The following MSRA variants were observed in gnomAD, a reference collection of about 807,000 sequenced individuals.
MSRA encodes mitochondrial peptide methionine sulfoxide reductase.
A neutral mutation model predicts 31.3 loss-of-function variants in MSRA; 54 were observed. The ratio of observed to expected loss-of-function variants is 1.73; its 90% confidence interval spans 1.39 to 2.17. MSRA has a LOEUF of 2.17. Ranked by LOEUF, MSRA falls within the 30% of genes most tolerant of loss-of-function variation. The pLI, the probability that MSRA is intolerant of heterozygous loss-of-function variation, is 0.00. For missense variants in MSRA, 507 were observed against 300.9 expected, an observed-to-expected ratio of 1.69 and a Z score of -5.07; for synonymous variants, 169 against 116.5, an observed-to-expected ratio of 1.45 and a Z score of -2.90.
intron 5 of MSRA, chr8:10,353,849 A>T (rs752439534): frequency 1.8e-5 from 4 of 218,960 alleles, no homozygotes; most frequent in Non-Finnish European, 3.7e-5. Context: ...GTCTTGTGTC[A>T]TGTAGGAAAC....
At chr8:10,138,863 C>T (rs1802482129) in intron 1 of MSRA, among the ~76,000 whole-genome samples, 1 of 151,446 alleles carries the variant, frequency 6.6e-6, no homozygotes. Context: ...AAAATGATAG[C>T]AGCAGCAGCA....
chr8:10,337,773 C>G (rs935696386), intron 5 of MSRA: 23 of 702,514 alleles, frequency 3.3e-5, no homozygotes, highest in Non-Finnish European at 4.9e-5. Context: ...GCTCAACTCG[C>G]CTGGGTGCAG....
rs568543127 is a variant in MSRA, at chr8:10,409,120, T to G, written c.544-19028T>G. The stretch of plus-strand genomic sequence containing the variant: ...TGCTGGATTGAATGGCAGTTCTATT[T>G]TTAGTTCTTTGAGAAATCTCCATAC... On this transcript the variant is annotated intron_variant, in intron 5 of 5. Transcript: ENST00000317173. Among the ~76,000 whole-genome samples, 8 of 152,348 alleles carry G rather than the reference T, an allele frequency of 5.3e-5. No individual in the cohort carries two copies. The South Asian group carries it at 1.7e-3, about 32-fold the overall frequency.
At chr8:10,417,754 T>TGTGTGTGTGTGTGTGTGTGTGTGTGTG (rs1808557325) in intron 5 of MSRA, among the ~76,000 whole-genome samples, 7 of 129,842 alleles carry the variant, frequency 5.4e-5, no homozygotes, top group African/African-American at 1.4e-4. Flanking sequence ...AACCTGCATG[T>TGTGTGTGTGTGTGTGTGTGTGTGTGTG]TGTGTGTGTG....
Position 10,163,258 on chromosome 8 carries a change from C to T in MSRA, c.143-44575C>T, listed in dbSNP as rs539668705. Reference sequence around the variant, plus strand: ...AGTCTGTGGCAGTTCGTTATAGCAGCCCCCGCCGACTCAGACCACGCTGTA... The same window carrying T: ...AGTCTGTGGCAGTTCGTTATAGCAGTCCCCGCCGACTCAGACCACGCTGTA... On this transcript the variant is annotated intron_variant, in intron 1 of 5. Transcript: ENST00000317173. 1.1e-4 allele frequency among the ~76,000 whole-genome samples: 17 copies of T among 152,298 alleles called. No individual in the cohort carries two copies. In the East Asian group the frequency reaches 1.5e-3, roughly 14 times the overall value.
intron 1 of MSRA, among the ~76,000 whole-genome samples, chr8:10,175,139 G>A (rs922754911): frequency 4.0e-5 from 6 of 151,848 alleles, no homozygotes; most frequent in Non-Finnish European, 7.4e-5. Flanking sequence ...TACTATGGCC[G>A]TCCCGGTCAC....
At chr8:10,356,514 C>T (rs1045643784) in intron 5 of MSRA, among the ~76,000 whole-genome samples, 8 of 152,200 alleles carry the variant, frequency 5.3e-5, no homozygotes, top group African/African-American at 1.9e-4. Flanking sequence ...CAGGTGTGTG[C>T]TGTGGACTGA....
chr8:10,213,595 C>G (rs1009822395), intron 2 of MSRA, among the ~76,000 whole-genome samples: 1 of 151,914 alleles, frequency 6.6e-6, no homozygotes, highest in Non-Finnish European at 1.5e-5. Context: ...TGCCAACATG[C>G]CTGGCTAATT....
intron 1 of MSRA, chr8:10,059,132 A>C (rs985318573): frequency 2.0e-5 from 3 of 152,228 alleles, no homozygotes; most frequent in Non-Finnish European, 2.9e-5. Flanking sequence ...AAAAGGTGAA[A>C]TATTCAATAA....
intron 5 of MSRA, among the ~76,000 whole-genome samples, chr8:10,329,226 G>GAA (rs1802550320): frequency 6.6e-6 from 1 of 152,162 alleles, no homozygotes; most frequent in Non-Finnish European, 1.5e-5. Context: ...TTCTCTCATG[G>GAA]TTCCAGAGGG....
chr8:10,153,376 C>A (rs973658260), intron 1 of MSRA, among the ~76,000 whole-genome samples: 1 of 152,152 alleles, frequency 6.6e-6, no homozygotes, highest in African/African-American at 2.4e-5. Flanking sequence ...TCCTGTCTCC[C>A]TCTCACGTGC....
chr8:10,117,870 G>GA (rs1202313430), intron 1 of MSRA, among the ~76,000 whole-genome samples: 2 of 152,150 alleles, frequency 1.3e-5, no homozygotes, highest in Admixed American at 1.3e-4. Flanking sequence ...CTGTGATGAA[G>GA]AAAAATCCTG....
intron 2 of MSRA, among the ~76,000 whole-genome samples, chr8:10,228,610 C>G (rs1811199893): frequency 6.6e-6 from 1 of 152,188 alleles, no homozygotes; most frequent in Non-Finnish European, 1.5e-5. Flanking sequence ...CAGAGACCAG[C>G]TTCTGACGTT....
intron 3 of MSRA, among the ~76,000 whole-genome samples, chr8:10,254,841 G>C (rs1026285777): frequency 6.6e-6 from 1 of 152,232 alleles, no homozygotes; most frequent in Non-Finnish European, 1.5e-5. Flanking sequence ...CTGTGCCAAA[G>C]TTTTGAAAAT....
intron 1 of MSRA, among the ~76,000 whole-genome samples, chr8:10,143,498 C>A (rs750929791): frequency 6.6e-6 from 1 of 152,168 alleles, no homozygotes; most frequent in African/African-American, 2.4e-5. Flanking sequence ...CCTTTCATCA[C>A]GAGGCTCTAT....
chr8:10,155,259 G>A (rs1194934462), intron 1 of MSRA, among the ~76,000 whole-genome samples: 1 of 152,092 alleles, frequency 6.6e-6, no homozygotes, highest in Non-Finnish European at 1.5e-5. Flanking sequence ...GAGTAAATGA[G>A]CAACTAAGTG....
intron 1 of MSRA, among the ~76,000 whole-genome samples, chr8:10,207,348 T>C (rs746817755): frequency 6.6e-6 from 1 of 152,216 alleles, no homozygotes; most frequent in Non-Finnish European, 1.5e-5. Context: ...TGAAATGACA[T>C]GTTCTGCTAT....
chr8:10,132,709 T>A (rs370745517), intron 1 of MSRA, among the ~76,000 whole-genome samples: 2 of 152,372 alleles, frequency 1.3e-5, no homozygotes, highest in South Asian at 4.1e-4. Context: ...GTGAGACATG[T>A]AATAGTAATA....
At chr8:10,247,056 A>C (rs779097582) in intron 3 of MSRA, among the ~76,000 whole-genome samples, 3 of 152,350 alleles carry the variant, frequency 2.0e-5, no homozygotes, top group Non-Finnish European at 2.9e-5. Flanking sequence ...AAATGTTAAC[A>C]ATCAGTTAGA....
Sources: gnomAD v4.1 joint callset for allele counts (sites outside exome capture counted in the v4.1 genomes callset) on GRCh38, gnomAD v4.1.1 for gene constraint, MANE v1.5 for transcripts, NCBI Gene and HGNC (gene_info 2026-07-23, HGNC 2026-07-21) for gene names.